Variants in TMTC4 observed in about 807,000 individuals in gnomAD.
The protein encoded by TMTC4 is transmembrane O-mannosyltransferase targeting cadherins 4.
A neutral mutation model predicts 86.0 loss-of-function variants in TMTC4; 65 were observed. The observed-to-expected ratio is 0.76, with a 90% CI of 0.62 to 0.93. The LOEUF is 0.93. Among genes scored for constraint, TMTC4 ranks in the 40% least tolerant of loss-of-function variants. The pLI is 0.00. For missense variants in TMTC4, 866 were observed against 948.1 expected, an observed-to-expected ratio of 0.91 and a Z score of 1.14; for synonymous variants, 379 against 382.5, an observed-to-expected ratio of 0.99 and a Z score of 0.11.
intron 12 of TMTC4, among the ~76,000 whole-genome samples, chr13:100,632,053 A>ACACACACACACACTCTCTCT (rs1296569630): frequency 1.7e-3 from 75 of 43,086 alleles, no homozygotes; most frequent in South Asian, 3.0e-3. Flanking sequence ...ACACACACAC[A>ACACACACACACACTCTCTCT]CTCTCTCTCT....
At chr13:100,651,643 C>T (rs955984346) in intron 6 of TMTC4, among the ~76,000 whole-genome samples, 8 of 151,668 alleles carry the variant, frequency 5.3e-5, no homozygotes, top group African/African-American at 1.7e-4. Context: ...ATAATAAAGA[C>T]GTCCCATCCA....
intron 3 of TMTC4, chr13:100,666,057 C>G: frequency 2.2e-6 from 1 of 456,616 alleles, no homozygotes; most frequent in Non-Finnish European, 4.4e-6. Flanking sequence ...GAAATGAACA[C>G]CAACGAGGTT....
intron 17 of TMTC4, among the ~76,000 whole-genome samples, chr13:100,606,897 T>A (rs1332454295): frequency 6.6e-6 from 1 of 152,138 alleles, no homozygotes; most frequent in Non-Finnish European, 1.5e-5. Flanking sequence ...CTGGAAAGAA[T>A]GTGCAGAAAA....
Position 100,668,377 on chromosome 13 carries a change from G to A in TMTC4, c.219+202C>T, listed in dbSNP as rs184138753. On this transcript the variant is annotated intron_variant, in intron 3 of 18. Coordinates refer to ENST00000342624, the MANE Select transcript of TMTC4 (RefSeq NM_032813.5). ...AGGGGAGTGCCTGAGCTGAGGCAGGGGTTCAGAACCTTGGTGCCAGCAATA... is the reference window on the plus strand; with the variant it reads ...AGGGGAGTGCCTGAGCTGAGGCAGGAGTTCAGAACCTTGGTGCCAGCAATA... 4 of 584,932 alleles carry A rather than the reference G, an allele frequency of 6.8e-6. No individual in the cohort carries two copies. In the African/African-American group the frequency reaches 7.5e-5, roughly 11 times the overall value. 36.2% of individuals were successfully genotyped at this position (584,932 alleles called of 1,614,324 possible). A position where few individuals can be genotyped will look rare whatever the true frequency, so the allele number is the denominator to read the frequency against.
chr13:100,611,402 G>A (rs185703083), intron 17 of TMTC4, among the ~76,000 whole-genome samples: 2 of 152,060 alleles, frequency 1.3e-5, no homozygotes, highest in Admixed American at 1.3e-4. Context: ...TGGCTAACAC[G>A]GTGAAACCCT....
chr13:100,620,190 C>T (rs1408825514), intron 15 of TMTC4, among the ~76,000 whole-genome samples: 1 of 152,186 alleles, frequency 6.6e-6, no homozygotes, highest in Non-Finnish European at 1.5e-5. Flanking sequence ...GAAGCAGGGG[C>T]TGGGAGTCTG....
intron 15 of TMTC4, among the ~76,000 whole-genome samples, chr13:100,615,942 T>C (rs1399540990): frequency 1.3e-5 from 2 of 152,194 alleles, no homozygotes; most frequent in Non-Finnish European, 2.9e-5. Flanking sequence ...TGTCTATGAT[T>C]GCCATCTTTA....
At chr13:100,609,305 A>C (rs1193871653) in intron 17 of TMTC4, among the ~76,000 whole-genome samples, 1 of 152,174 alleles carries the variant, frequency 6.6e-6, no homozygotes, top group Non-Finnish European at 1.5e-5. Context: ...TACAGTAATG[A>C]TGCGTTGTTT....
In TMTC4 at chr13:100,625,594, G is replaced by C. The variant is rs750836771; in HGVS notation, c.1777C>G (p.Arg593Gly). Residue 593 changes from arginine to glycine, a missense_variant, in exon 15 of 19, where the codon CGG (arginine) becomes GGG (glycine). By Grantham distance (125) the Arg-to-Gly change is moderately radical. Transcript: ENST00000342624. ...TTCCTTCTGTGTTTAATTGCTGTCC[G>C]GTAACTTTGCTCTGCTGCTTCAAAC... ...KRFEAAEQSY[R>G]TAIKHRRKYP... is the part of the protein sequence containing the mutation. 1 of 1,614,168 alleles carries C rather than the reference G, an allele frequency of 6.2e-7. No individual in the cohort carries two copies. The highest frequency in any genetic ancestry group is 1.1e-5 in the South Asian group (1 of 91,076).
chr13:100,652,812 A>G (rs550736324), intron 6 of TMTC4, among the ~76,000 whole-genome samples: 1 of 152,340 alleles, frequency 6.6e-6, no homozygotes, highest in African/African-American at 2.4e-5. Flanking sequence ...TGGAAGCTTT[A>G]TTTTAATCAA....
At chr13:100,620,116 G>A (rs1879250574) in intron 15 of TMTC4, among the ~76,000 whole-genome samples, 1 of 152,174 alleles carries the variant, frequency 6.6e-6, no homozygotes, top group Non-Finnish European at 1.5e-5. Context: ...GCTCATCCAG[G>A]AAGTAGATGG....
intron 3 of TMTC4, among the ~76,000 whole-genome samples, chr13:100,665,411 A>T (rs1356911696): frequency 6.6e-6 from 1 of 152,232 alleles, no homozygotes; most frequent in East Asian, 1.9e-4. Context: ...GATTAATTTA[A>T]ACAAAAAGGG....
intron 6 of TMTC4, among the ~76,000 whole-genome samples, chr13:100,651,093 A>G (rs1884378531): frequency 6.6e-6 from 1 of 152,226 alleles, no homozygotes; most frequent in Non-Finnish European, 1.5e-5. Context: ...TTCTAGGTAT[A>G]TAGAAAATCC....
intron 15 of TMTC4, among the ~76,000 whole-genome samples, chr13:100,616,805 C>G (rs370811067): frequency 6.6e-6 from 1 of 152,132 alleles, no homozygotes; most frequent in Non-Finnish European, 1.5e-5. Context: ...TTGTTAGCTG[C>G]TTGTATGTCT....
At chr13:100,674,896 G>T (rs931294965), upstream of TMTC4, 1 of 983,382 alleles carries the variant, frequency 1.0e-6, no homozygotes, top group South Asian at 4.7e-5. Flanking sequence ...CCACGCGCGC[G>T]GGCGCCCCCC....
intron 5 of TMTC4, among the ~76,000 whole-genome samples, chr13:100,659,013 T>C (rs1034891257): frequency 7.2e-5 from 11 of 152,238 alleles, no homozygotes; most frequent in African/African-American, 2.7e-4. Flanking sequence ...GCATAATATG[T>C]ATTTTTAGGC....
chr13:100,664,713 TC>T (rs1222514931), intron 3 of TMTC4, among the ~76,000 whole-genome samples: 1 of 152,238 alleles, frequency 6.6e-6, no homozygotes, highest in East Asian at 1.9e-4. Flanking sequence ...GCCATTCATC[TC>T]CCAGCTGCCT....
intron 15 of TMTC4, among the ~76,000 whole-genome samples, chr13:100,620,047 T>C (rs1343119007): frequency 6.6e-6 from 1 of 152,206 alleles, no homozygotes; most frequent in Non-Finnish European, 1.5e-5. Flanking sequence ...TCTTACAGCA[T>C]CTACACGAAG....
chr13:100,623,640 G>GTTTTTTTTTTTTTTTTTTTTTTTTTTTTT (rs71200708), intron 15 of TMTC4, among the ~76,000 whole-genome samples: 1 of 96,166 alleles, frequency 1.0e-5, no homozygotes, highest in African/African-American at 3.4e-5. Flanking sequence ...TACTAGTTGG[G>GTTTTTTTTTTTTTTTTTTTTTTTTTTTTT]TTTTGTTTTT....
Sources: gnomAD v4.1 joint callset for allele counts (sites outside exome capture counted in the v4.1 genomes callset) on GRCh38, gnomAD v4.1.1 for gene constraint, MANE v1.5 for transcripts, NCBI Gene and HGNC (gene_info 2026-07-23, HGNC 2026-07-21) for gene names.